PPARG: variants seen among roughly 807,000 people sequenced by gnomAD.
PPARG encodes the protein peroxisome proliferator activated receptor gamma.
Under a neutral mutation model 39.2 loss-of-function variants are expected in PPARG, and 17 were observed. The observed-to-expected ratio is 0.43, with a 90% confidence interval of 0.30 to 0.65. PPARG has a LOEUF of 0.65. Among genes scored for constraint, PPARG ranks in the 30% least tolerant of loss-of-function variants. PPARG has a pLI of 0.13. For missense variants in PPARG, 406 were observed against 585.9 expected, an observed-to-expected ratio of 0.69 and a Z score of 3.17; for synonymous variants, 223 against 215.7, an observed-to-expected ratio of 1.03 and a Z score of -0.30.
intron 2 of PPARG, chr3:12,371,803 T>A: frequency 3.2e-6 from 2 of 633,508 alleles, no homozygotes; most frequent in Non-Finnish European, 5.9e-6. Flanking sequence ...TTTCTTTATC[T>A]GTCAAATGAG....
At chr3:12,300,230 A>G (rs1574948851) in intron 1 of PPARG, among the ~76,000 whole-genome samples, 1 of 152,346 alleles carries the variant, frequency 6.6e-6, no homozygotes, top group African/African-American at 2.4e-5. Context: ...TTCTACAAAC[A>G]TTTACCAAAT....
At chr3:12,296,112 C>T (rs1055324005) in intron 1 of PPARG, among the ~76,000 whole-genome samples, 9 of 151,674 alleles carry the variant, frequency 5.9e-5, no homozygotes, top group Admixed American at 2.0e-4. Context: ...ATTAACTGGG[C>T]GTGGTGGCAC....
intron 2 of PPARG, among the ~76,000 whole-genome samples, chr3:12,347,655 AG>A (rs1455814984): frequency 1.3e-5 from 2 of 152,214 alleles, no homozygotes; most frequent in Non-Finnish European, 2.9e-5. Context: ...TCTGGTTGTT[AG>A]CAATTATCTG....
chr3:12,411,243 G>A (rs1210760168), intron 6 of PPARG, among the ~76,000 whole-genome samples: 2 of 151,976 alleles, frequency 1.3e-5, no homozygotes, highest in Non-Finnish European at 2.9e-5. Flanking sequence ...CAATACCCTT[G>A]TTTGCCTGCT....
At chr3:12,392,549 C>A in intron 4 of PPARG, 65 bp from the exon 5 acceptor site, 2 of 1,576,644 alleles carry the variant, frequency 1.3e-6, no homozygotes, top group Non-Finnish European at 1.7e-6. Flanking sequence ...ATACCTTTCG[C>A]TGTAGGTTGC....
At position 12,384,880 on chromosome 3, in the gene PPARG, A is replaced by G. The variant is rs2049816449; in HGVS notation, c.390+3389A>G. The stretch of plus-strand genomic sequence containing the variant: ...TGTAATTTCTAGTGTGATAAATGTC[A>G]GTAAAGATAGCCCACATAAACAAAA... On this transcript the variant is annotated intron_variant, in intron 4 of 7. Transcript: ENST00000651735. 2.0e-5 allele frequency among the ~76,000 whole-genome samples: 3 copies of G among 152,272 alleles called. No individual in the cohort carries two copies. In the South Asian group the frequency reaches 6.2e-4, roughly 32 times the overall value.
At chr3:12,352,451 C>T (rs777626245) in intron 2 of PPARG, among the ~76,000 whole-genome samples, 4 of 152,162 alleles carry the variant, frequency 2.6e-5, no homozygotes, top group Non-Finnish European at 4.4e-5. Context: ...TATAAGTTCT[C>T]CATTTCTATA....
chr3:12,390,948 G>A (rs1306792649), intron 4 of PPARG, among the ~76,000 whole-genome samples: 1 of 152,086 alleles, frequency 6.6e-6, no homozygotes, highest in Non-Finnish European at 1.5e-5. Context: ...ACCACACCCA[G>A]CCTATATTTT....
intron 2 of PPARG, among the ~76,000 whole-genome samples, chr3:12,330,302 T>TTAAAA (rs371742787): frequency 8.3e-6 from 1 of 121,052 alleles, no homozygotes; most frequent in Non-Finnish European, 1.7e-5. Context: ...CACCTTTTTT[T>TTAAAA]AAAAAAAAAA....
intron 2 of PPARG, among the ~76,000 whole-genome samples, chr3:12,349,756 G>A (rs1283491731): frequency 6.6e-6 from 1 of 152,146 alleles, no homozygotes; most frequent in Non-Finnish European, 1.5e-5. Context: ...GTCAGAATGT[G>A]GTGGGTGCTA....
intron 2 of PPARG, among the ~76,000 whole-genome samples, chr3:12,338,610 T>G (rs368474069): frequency 3.8e-4 from 58 of 152,318 alleles, no homozygotes; most frequent in African/African-American, 1.3e-3. Flanking sequence ...ACATTAAAGG[T>G]ACAAATATGG....
intron 4 of PPARG, among the ~76,000 whole-genome samples, chr3:12,389,035 G>T (rs1212660548): frequency 2.0e-5 from 3 of 152,152 alleles, no homozygotes; most frequent in African/African-American, 7.2e-5. Flanking sequence ...GAATTTGAAG[G>T]CTTTTAGTTC....
At chr3:12,365,170 A>C (rs1267772218) in intron 2 of PPARG, among the ~76,000 whole-genome samples, 2 of 152,210 alleles carry the variant, frequency 1.3e-5, no homozygotes, top group Non-Finnish European at 2.9e-5. Context: ...ATCTGACAGG[A>C]GGTGGAGCTC....
At chr3:12,425,704 C>T (rs773799354) in intron 7 of PPARG, among the ~76,000 whole-genome samples, 2 of 152,136 alleles carry the variant, frequency 1.3e-5, no homozygotes, top group Non-Finnish European at 2.9e-5. Context: ...ACGTACATCA[C>T]TAGGCTTAAG....
chr3:12,426,246 A>G (rs2051441745), intron 7 of PPARG, among the ~76,000 whole-genome samples: 1 of 152,252 alleles, frequency 6.6e-6, no homozygotes, highest in Non-Finnish European at 1.5e-5. Flanking sequence ...TAAACCGGCA[A>G]GTGTCAGAAT....
At chr3:12,403,307 A>AG in intron 5 of PPARG, among the ~76,000 whole-genome samples, 1 of 149,530 alleles carries the variant, frequency 6.7e-6, no homozygotes, top group Non-Finnish European at 1.5e-5. Flanking sequence ...AAAAAAAAAA[A>AG]GTTGTTATAC....
intron 2 of PPARG, among the ~76,000 whole-genome samples, chr3:12,319,357 A>G (rs1289870245): frequency 6.6e-6 from 1 of 152,056 alleles, no homozygotes; most frequent in Admixed American, 6.6e-5. Flanking sequence ...GTGCAAATCT[A>G]AATTCCCATG....
At chr3:12,355,530 A>C (rs555128891) in intron 2 of PPARG, among the ~76,000 whole-genome samples, 57 of 152,254 alleles carry the variant, frequency 3.7e-4, no homozygotes, top group African/African-American at 1.3e-3. Context: ...GTATGGCTCT[A>C]GCTTTATCAT....
At chr3:12,423,317 T>G (rs1445169589) in intron 7 of PPARG, among the ~76,000 whole-genome samples, 1 of 152,242 alleles carries the variant, frequency 6.6e-6, no homozygotes, top group Non-Finnish European at 1.5e-5. Context: ...AGAATAACCC[T>G]GATGCAGCTG....
Sources: gnomAD v4.1 joint callset for allele counts (sites outside exome capture counted in the v4.1 genomes callset) on GRCh38, gnomAD v4.1.1 for gene constraint, MANE v1.5 for transcripts, NCBI Gene and HGNC (gene_info 2026-07-23, HGNC 2026-07-21) for gene names.